SLC35F3: variants seen among roughly 807,000 people sequenced by gnomAD.
SLC35F3 encodes solute carrier family 35 member F3.
SLC35F3 carries 25 observed loss-of-function variants against 49.9 expected under a neutral mutation model. That is an observed-to-expected ratio of 0.50 (90% CI 0.37 to 0.70). SLC35F3 has a LOEUF of 0.70. Among genes scored for constraint, SLC35F3 ranks in the 30% least tolerant of loss-of-function variants. The probability of loss-of-function intolerance (pLI) is 0.00; values close to 1 mark genes in which losing one functional copy is unlikely to be tolerated. For missense variants in SLC35F3, 525 were observed against 639.8 expected (o/e 0.82, Z 1.94); for synonymous variants, 275 against 265.4 (o/e 1.04, Z -0.35).
At chr1:234,192,024 A>G (rs1008988919) in intron 2 of SLC35F3, among the ~76,000 whole-genome samples, 10 of 152,194 alleles carry the variant, frequency 6.6e-5, no homozygotes, top group Non-Finnish European at 1.3e-4. Context: ...ATTCTATCAG[A>G]CATTCAAAGA....
chr1:234,309,269 T>C lies in SLC35F3; in HGVS notation c.777T>C (p.Phe259=), dbSNP rs1275153641. ...VSVLFCCNKA[F]VFLLSWIVLR... ...TGTTGTTCTGCTGCAACAAAGCTTT[T>C]GTGTTCTTGCTCTCATGGATCGTTC... The change falls in exon 4 of 8, where the codon TTT becomes TTC. Residue 259 remains phenylalanine, a synonymous_variant. Coordinates refer to ENST00000366618, the MANE Select transcript of SLC35F3 (RefSeq NM_173508.4). 9 of 1,614,120 alleles carry C rather than the reference T, an allele frequency of 5.6e-6. No individual in the cohort carries two copies. The highest frequency in any genetic ancestry group is 1.3e-5 in the African/African-American group (1 of 74,934).
At chr1:234,007,191 A>T (rs1663642785) in intron 2 of SLC35F3, among the ~76,000 whole-genome samples, 1 of 152,202 alleles carries the variant, frequency 6.6e-6, no homozygotes, top group South Asian at 2.1e-4. Context: ...ATAAAAAAGC[A>T]AATTATTAAT....
intron 2 of SLC35F3, among the ~76,000 whole-genome samples, chr1:234,216,282 C>G (rs1667119544): frequency 6.6e-6 from 1 of 152,176 alleles, no homozygotes; most frequent in African/African-American, 2.4e-5. Context: ...TGGTTCTGCT[C>G]TCCAGCAGCA....
At chr1:234,097,427 G>A (rs2102880188) in intron 2 of SLC35F3, among the ~76,000 whole-genome samples, 1 of 152,312 alleles carries the variant, frequency 6.6e-6, no homozygotes. Context: ...AACATCCACT[G>A]AGAGTTTTGG....
intron 5 of SLC35F3, among the ~76,000 whole-genome samples, chr1:234,318,508 A>T (rs1446134791): frequency 1.3e-5 from 2 of 152,202 alleles, no homozygotes; most frequent in Non-Finnish European, 2.9e-5. Context: ...CAAACCTAGT[A>T]TGAAAACCCA....
intron 2 of SLC35F3, among the ~76,000 whole-genome samples, chr1:234,163,434 G>C (rs1666260856): frequency 6.6e-6 from 1 of 152,154 alleles, no homozygotes; most frequent in South Asian, 2.1e-4. Context: ...ACGTCCTGTA[G>C]AGCAAGATCT....
chr1:233,984,287 A>G (rs1663231928), intron 2 of SLC35F3, among the ~76,000 whole-genome samples: 1 of 152,212 alleles, frequency 6.6e-6, no homozygotes, highest in Non-Finnish European at 1.5e-5. Flanking sequence ...GTGTTATAGA[A>G]CTGAACTGGG....
intron 2 of SLC35F3, among the ~76,000 whole-genome samples, chr1:234,086,907 G>T (rs556177680): frequency 1.3e-5 from 2 of 152,190 alleles, no homozygotes; most frequent in Admixed American, 1.3e-4. Context: ...TTGACAACAT[G>T]TGAATAAATT....
chr1:234,214,154 C>G lies in SLC35F3; in HGVS notation c.284-17263C>G, dbSNP rs1193263610. 1.7e-5 allele frequency: 18 copies of G among 1,052,074 alleles called. No individual in the cohort carries two copies. The highest frequency in any genetic ancestry group is 3.4e-5 in the African/African-American group (2 of 58,826). 65.2% of individuals were successfully genotyped at this position (1,052,074 alleles called of 1,614,324 possible). ...ATGAGGGCTGCGGGGCTGGGCGTCC[C>G]GGGGAGGAGGGCGGAGCAGGTGAGC... is the stretch of plus-strand genomic sequence containing the variant. On this transcript the variant is annotated intron_variant, in intron 2 of 7. Transcript: ENST00000366618. This position sits in a 1 kb window ranked among gnomAD's most constrained non-coding sequence, Gnocchi z 8.0.
intron 2 of SLC35F3, among the ~76,000 whole-genome samples, chr1:234,077,851 T>C (rs990953490): frequency 3.3e-5 from 5 of 152,200 alleles, no homozygotes; most frequent in African/African-American, 1.2e-4. Context: ...TGTGTGCCTC[T>C]TCTCTGGAGC....
chr1:234,108,792 TATATATTTATATATATATAAAAG>T (rs1665352026), intron 2 of SLC35F3, among the ~76,000 whole-genome samples: 1 of 130,454 alleles, frequency 7.7e-6, no homozygotes, highest in Admixed American at 8.8e-5. Flanking sequence ...ATAAAAGATA[TATATATTTATATATATATAAAAG>T]ATATATATAT....
intron 4 of SLC35F3, among the ~76,000 whole-genome samples, chr1:234,311,627 AG>A (rs2102995057): frequency 6.6e-6 from 1 of 152,376 alleles, no homozygotes; most frequent in Non-Finnish European, 1.5e-5. Flanking sequence ...TCCAAAAGGA[AG>A]CAAACGTGTC....
intron 2 of SLC35F3, among the ~76,000 whole-genome samples, chr1:234,141,403 G>GGA (rs1665912017): frequency 6.6e-6 from 1 of 151,976 alleles, no homozygotes; most frequent in East Asian, 1.9e-4. Flanking sequence ...TTTACTAAGG[G>GGA]TTAATTGGTA....
intron 2 of SLC35F3, among the ~76,000 whole-genome samples, chr1:234,084,675 A>G (rs1226174872): frequency 6.6e-6 from 1 of 152,238 alleles, no homozygotes; most frequent in African/African-American, 2.4e-5. Flanking sequence ...TAGCCCTCGC[A>G]ACTCCAGGTG....
chr1:233,959,245 G>GT (rs5781772), intron 2 of SLC35F3, among the ~76,000 whole-genome samples: 29 of 149,878 alleles, frequency 1.9e-4, no homozygotes, highest in Admixed American at 4.7e-4. Context: ...TGATTTAGGT[G>GT]TTTTTTTTTT....
At chr1:234,181,531 A>G (rs1437084444) in intron 2 of SLC35F3, among the ~76,000 whole-genome samples, 1 of 152,170 alleles carries the variant, frequency 6.6e-6, no homozygotes, top group Non-Finnish European at 1.5e-5. Context: ...CACATGTTGC[A>G]ATTAGTTGAC....
intron 2 of SLC35F3, among the ~76,000 whole-genome samples, chr1:233,990,220 A>G (rs1663330029): frequency 6.6e-6 from 1 of 152,212 alleles, no homozygotes. Context: ...TTTATTCATT[A>G]ATACATAATT....
chr1:234,097,461 A>T (rs1380286822), intron 2 of SLC35F3, among the ~76,000 whole-genome samples: 2 of 152,184 alleles, frequency 1.3e-5, no homozygotes, highest in Non-Finnish European at 2.9e-5. Flanking sequence ...CCATTTAGAG[A>T]GGGAGCACCT....
chr1:233,958,874 G>T (rs568272411), intron 2 of SLC35F3, among the ~76,000 whole-genome samples: 1 of 152,128 alleles, frequency 6.6e-6, no homozygotes, highest in African/African-American at 2.4e-5. Context: ...ACAAAATAAC[G>T]CATGAGCAGC....
Sources: gnomAD v4.1 joint callset for allele counts (sites outside exome capture counted in the v4.1 genomes callset) on GRCh38, gnomAD v4.1.1 for gene constraint, Gnocchi (gnomAD v3.1) non-coding constraint, MANE v1.5 for transcripts, NCBI Gene and HGNC (gene_info 2026-07-23, HGNC 2026-07-21) for gene names.